CEP120: variants seen among roughly 807,000 people sequenced by gnomAD.
CEP120 encodes the protein centrosomal protein 120, also known as centrosomal protein of 120 kDa.
A neutral mutation model predicts 126.5 loss-of-function variants in CEP120; 113 were observed. The observed-to-expected ratio is 0.89, with a 90% CI of 0.77 to 1.04. CEP120 has a LOEUF of 1.04. CEP120 is among the 50% of genes least tolerant of loss of function. The probability of loss-of-function intolerance (pLI) is 0.00; values close to 1 mark genes in which losing one functional copy is unlikely to be tolerated. For synonymous variants in CEP120, 400 were observed against 394.3 expected, an observed-to-expected ratio of 1.01 and a Z score of -0.17; for missense variants, 1,230 against 1,155.7, an observed-to-expected ratio of 1.06 and a Z score of -0.93.
chr5:123,391,774 A>T (rs956142366), intron 6 of CEP120, among the ~76,000 whole-genome samples: 1 of 152,166 alleles, frequency 6.6e-6, no homozygotes, highest in African/African-American at 2.4e-5. Flanking sequence ...CTGATTTGGA[A>T]TTTAAAAACC....
intron 4 of CEP120, among the ~76,000 whole-genome samples, chr5:123,400,277 C>G (rs1342381843): frequency 6.6e-6 from 1 of 152,036 alleles, no homozygotes; most frequent in African/African-American, 2.4e-5. Flanking sequence ...ATATCCATCT[C>G]TTTTAGTCTC....
At chr5:123,406,211 T>A in intron 4 of CEP120, among the ~76,000 whole-genome samples, 1 of 148,770 alleles carries the variant, frequency 6.7e-6, no homozygotes, top group Admixed American at 6.7e-5. Context: ...ACAGAACATC[T>A]CAGAACTGTG....
At chr5:123,383,286 A>T (rs145016572) in intron 11 of CEP120, among the ~76,000 whole-genome samples, 72 of 152,218 alleles carry the variant, frequency 4.7e-4, no homozygotes, top group Middle Eastern at 3.4e-3. Context: ...CCTGCTAAAT[A>T]CACGCATACA....
chr5:123,375,867 C>T (rs1244979543), intron 16 of CEP120, among the ~76,000 whole-genome samples: 1 of 152,050 alleles, frequency 6.6e-6, no homozygotes, highest in Non-Finnish European at 1.5e-5. Context: ...TAAATAATGG[C>T]TCTGTGCTGC....
At chr5:123,420,230 A>G (rs1338940438) in intron 1 of CEP120, among the ~76,000 whole-genome samples, 1 of 152,196 alleles carries the variant, frequency 6.6e-6, no homozygotes, top group African/African-American at 2.4e-5. Flanking sequence ...CAAAGAACCT[A>G]TATTTTCCAT....
intron 4 of CEP120, among the ~76,000 whole-genome samples, chr5:123,400,688 A>G (rs992373058): frequency 9.9e-6 from 1 of 100,802 alleles, no homozygotes; most frequent in Non-Finnish European, 1.9e-5. Flanking sequence ...GAGCTAGCTG[A>G]GGTTTTATTT....
Position 123,423,403 on chromosome 5 carries a change from C to G in CEP120, c.-405G>C. Reference sequence around the variant, plus strand: ...GTGCCCAGGGGAGGTTGGAGGACAACGGGTGATAGAGACAGAGCAGTCAAG... The same window carrying G: ...GTGCCCAGGGGAGGTTGGAGGACAAGGGGTGATAGAGACAGAGCAGTCAAG... On this transcript the variant is annotated 5_prime_UTR_variant, in exon 1 of 20. Coordinates refer to ENST00000306467, the MANE Select transcript of CEP120 (RefSeq NM_001375405.1). 4.0e-6 allele frequency: 1 copy of G among 248,330 alleles called. No homozygotes were observed. Among genetic ancestry groups the G allele is most frequent in the Non-Finnish European group, 7.9e-6 (1 of 126,870 alleles). The allele number at this position is 248,330 out of a possible 1,614,324, so 15.4% of individuals were successfully genotyped here.
intron 17 of CEP120, among the ~76,000 whole-genome samples, 182 bp downstream of exon 17, chr5:123,372,468 C>T (rs1437061291): frequency 1.3e-5 from 2 of 152,112 alleles, no homozygotes; most frequent in African/African-American, 4.8e-5. Flanking sequence ...GTATAAGCTA[C>T]AACTGACATA....
At chr5:123,378,295 C>A in intron 15 of CEP120, 41 bp downstream of exon 15, 1 of 1,435,624 alleles carries the variant, frequency 7.0e-7, no homozygotes, top group South Asian at 1.2e-5. Flanking sequence ...TGCAATAAAC[C>A]CCTCTATGCT....
At chr5:123,375,418 GC>G (rs1180161015) in intron 16 of CEP120, among the ~76,000 whole-genome samples, 1 of 151,996 alleles carries the variant, frequency 6.6e-6, no homozygotes, top group African/African-American at 2.4e-5. Flanking sequence ...GACCTCCTGG[GC>G]TCAAGTGATG....
chr5:123,372,592 T>C lies in CEP120; in HGVS notation c.2481+58A>G, dbSNP rs1343732647. 12 of 1,504,098 alleles carry C rather than the reference T, an allele frequency of 8.0e-6. No homozygotes were observed. The Admixed American group carries it at 1.0e-4, about 13-fold the overall frequency. The allele number at this position is 1,504,098 out of a possible 1,614,324, so 93.2% of individuals were successfully genotyped here. ...TATTATATTGTATACACATTATTGATTGATTTTATAAATTAATCACTGGGA... is the reference window on the plus strand; with the variant it reads ...TATTATATTGTATACACATTATTGACTGATTTTATAAATTAATCACTGGGA... On this transcript the variant is annotated intron_variant, in intron 17 of 19. Transcript: ENST00000306467.
At chr5:123,380,906 AATT>A (rs1223749948) in intron 14 of CEP120, among the ~76,000 whole-genome samples, 10 of 152,118 alleles carry the variant, frequency 6.6e-5, no homozygotes, top group Admixed American at 4.6e-4. Context: ...CAGGGCTTCT[AATT>A]ATTGTAATTT....
chr5:123,364,228 T>A (rs1405118715), intron 18 of CEP120, among the ~76,000 whole-genome samples: 1 of 151,552 alleles, frequency 6.6e-6, no homozygotes, highest in Non-Finnish European at 1.5e-5. Flanking sequence ...GTGGTTGTTT[T>A]ATAAGTGAAA....
chr5:123,354,768 A>G (rs1769451217), intron 18 of CEP120, among the ~76,000 whole-genome samples: 3 of 95,042 alleles, frequency 3.2e-5, no homozygotes, highest in South Asian at 3.4e-4. Context: ...GAATTCAACC[A>G]TCCTATGTTT....
chr5:123,371,285 G>A (rs576877225), intron 17 of CEP120, among the ~76,000 whole-genome samples: 37 of 152,164 alleles, frequency 2.4e-4, no homozygotes, highest in Non-Finnish European at 3.7e-4. Flanking sequence ...ACAGTTCCAC[G>A]TGGCTGGGGA....
chr5:123,414,050 G>A (rs1257065163), intron 3 of CEP120, among the ~76,000 whole-genome samples: 1 of 152,110 alleles, frequency 6.6e-6, no homozygotes, highest in Non-Finnish European at 1.5e-5. Context: ...TTAAATAACT[G>A]AGCCATTTCT....
chr5:123,349,300 AT>A (rs1019415486), intron 19 of CEP120, among the ~76,000 whole-genome samples: 2 of 152,114 alleles, frequency 1.3e-5, no homozygotes, highest in Non-Finnish European at 2.9e-5. Context: ...CAATCTCTTC[AT>A]CTTGAAAATG....
chr5:123,372,571 A>G, intron 17 of CEP120, 79 bp downstream of exon 17: 2 of 1,365,306 alleles, frequency 1.5e-6, no homozygotes, highest in Non-Finnish European at 2.1e-6. Flanking sequence ...AAACATTATT[A>G]TATTGTATAC....
intron 18 of CEP120, among the ~76,000 whole-genome samples, chr5:123,360,322 T>A (rs1769983486): frequency 6.6e-6 from 1 of 151,988 alleles, no homozygotes; most frequent in African/African-American, 2.4e-5. Context: ...TTCACTATGA[T>A]AATCCCAAGG....
Sources: gnomAD v4.1 joint callset for allele counts (sites outside exome capture counted in the v4.1 genomes callset) on GRCh38, gnomAD v4.1.1 for gene constraint, MANE v1.5 for transcripts, NCBI Gene and HGNC (gene_info 2026-07-23, HGNC 2026-07-21) for gene names.